The following RNLS variants were observed in gnomAD, a reference collection of about 807,000 sequenced individuals.
RNLS encodes the protein renalase.
In RNLS, 39 loss-of-function variants were observed where a neutral mutation model predicts 39.8. The observed-to-expected ratio is 0.98, with a 90% CI of 0.76 to 1.28. RNLS has a LOEUF of 1.28. RNLS is among the 50% of genes most tolerant of loss of function. The pLI is 0.00. For synonymous variants in RNLS, 147 were observed against 150.7 expected, an observed-to-expected ratio of 0.98 and a Z score of 0.18; for missense variants, 410 against 413.3, an observed-to-expected ratio of 0.99 and a Z score of 0.07.
At chr10:88,529,703 T>C (rs538768308) in intron 4 of RNLS, among the ~76,000 whole-genome samples, 41 of 152,360 alleles carry the variant, frequency 2.7e-4, no homozygotes, top group African/African-American at 9.1e-4. Context: ...CAAGAGAAGA[T>C]ATTTTAATTA....
At chr10:88,190,342 C>G in the RNLS span, among the ~76,000 whole-genome samples, 3 of 152,180 alleles carry the variant, frequency 2.0e-5, no homozygotes, top group African/African-American at 7.2e-5. Context: ...TGGCTGTTCT[C>G]TTCTGCTGCC....
At chr10:88,314,432 T>C (rs993174876) in intron 6 of RNLS, 34 bp downstream of exon 6, 6 of 1,604,992 alleles carry the variant, frequency 3.7e-6, no homozygotes, top group Non-Finnish European at 5.1e-6. Flanking sequence ...GTTAAGAAAA[T>C]TGTTGTGCTT....
intron 4 of RNLS, among the ~76,000 whole-genome samples, chr10:88,365,623 T>A (rs1850024880): frequency 6.6e-6 from 1 of 151,902 alleles, no homozygotes; most frequent in East Asian, 1.9e-4. Context: ...ATATAAAATA[T>A]ATTTTATGAC....
At chr10:88,220,922 T>C in the RNLS span, among the ~76,000 whole-genome samples, 1 of 152,182 alleles carries the variant, frequency 6.6e-6, no homozygotes, top group Non-Finnish European at 1.5e-5. Flanking sequence ...GAAACCTGTG[T>C]TGGGATTCTG....
chr10:88,281,799 G>T (rs1372927448), downstream of RNLS, among the ~76,000 whole-genome samples: 1 of 152,026 alleles, frequency 6.6e-6, no homozygotes, highest in Non-Finnish European at 1.5e-5. Flanking sequence ...TTAAAACCTG[G>T]AAGTACAAAT....
At chr10:88,320,114 C>G (rs534988138) in intron 5 of RNLS, among the ~76,000 whole-genome samples, 1 of 147,902 alleles carries the variant, frequency 6.8e-6, no homozygotes, top group Non-Finnish European at 1.5e-5. Flanking sequence ...GCCTTACAAG[C>G]AAGAAGAGAT....
At chr10:88,246,836 T>C in the RNLS span, among the ~76,000 whole-genome samples, 1 of 152,210 alleles carries the variant, frequency 6.6e-6, no homozygotes, top group Non-Finnish European at 1.5e-5. Context: ...CAGACAACCA[T>C]TTTACATGTG....
At chr10:88,197,533 G>A in the RNLS span, among the ~76,000 whole-genome samples, 14 of 152,240 alleles carry the variant, frequency 9.2e-5, no homozygotes, top group Non-Finnish European at 1.2e-4. Context: ...ACCGCAATTC[G>A]AATAATAAGA....
intron 3 of RNLS, among the ~76,000 whole-genome samples, chr10:88,575,743 C>T (rs540596926): frequency 5.6e-4 from 85 of 152,208 alleles, no homozygotes; most frequent in African/African-American, 1.8e-3. Context: ...TATGTCTGAG[C>T]TTAGTAAATT....
intron 6 of RNLS, among the ~76,000 whole-genome samples, chr10:88,295,909 T>C (rs1202577057): frequency 6.6e-6 from 1 of 152,328 alleles, no homozygotes; most frequent in South Asian, 2.1e-4. Flanking sequence ...CGAGGACTTG[T>C]TCAGAAGAAG....
At chr10:88,467,344 C>G (rs879598525) in intron 4 of RNLS, among the ~76,000 whole-genome samples, 1 of 151,900 alleles carries the variant, frequency 6.6e-6, no homozygotes, top group Non-Finnish European at 1.5e-5. Flanking sequence ...ATAACAGGAA[C>G]TTTAAATTAG....
In RNLS at chr10:88,582,216, G is replaced by T; in HGVS notation, c.210C>A (p.Ala70=). 2 of 1,612,208 alleles carry T rather than the reference G, an allele frequency of 1.2e-6. No homozygotes were observed. The highest frequency in any genetic ancestry group is 1.7e-6 in the Non-Finnish European group (2 of 1,179,146). The change falls in exon 2 of 7, where the codon GCC becomes GCA. Residue 70 remains alanine (A), a synonymous_variant. Coordinates refer to ENST00000331772, the MANE Select transcript of RNLS (RefSeq NM_001031709.3). ...AQYITCTPHY[A]KKHQRFYDEL... is the part of the protein sequence containing the mutation. ...AACTAACTCACCGTTGGTGTTTTTT[G>T]GCATAATGAGGAGTGCAGGTGATGT...
chr10:88,511,045 G>A (rs1846094967), intron 4 of RNLS, among the ~76,000 whole-genome samples: 1 of 148,690 alleles, frequency 6.7e-6, no homozygotes. Flanking sequence ...CCAAAAACCT[G>A]AGGTTTTGAA....
At chr10:88,288,862 C>T (rs1262004276) in intron 6 of RNLS, among the ~76,000 whole-genome samples, 2 of 152,178 alleles carry the variant, frequency 1.3e-5, no homozygotes, top group Non-Finnish European at 2.9e-5. Context: ...TATTGGCAAG[C>T]TCCTTCACCC....
At chr10:88,260,507 G>T in the RNLS span, among the ~76,000 whole-genome samples, 1 of 152,160 alleles carries the variant, frequency 6.6e-6, no homozygotes, top group Non-Finnish European at 1.5e-5. Flanking sequence ...CCACATCAAA[G>T]AACAAATAAA....
intron 4 of RNLS, among the ~76,000 whole-genome samples, chr10:88,568,442 C>T (rs1041639348): frequency 6.6e-6 from 1 of 152,072 alleles, no homozygotes; most frequent in Non-Finnish European, 1.5e-5. Context: ...CTAAAAACCA[C>T]TGAATTGTAC....
chr10:88,548,113 T>C (rs1209000837), intron 4 of RNLS, among the ~76,000 whole-genome samples: 3 of 150,268 alleles, frequency 2.0e-5, no homozygotes, highest in African/African-American at 7.4e-5. Flanking sequence ...ATACAAAAAA[T>C]TAGCTGGGCA....
intron 4 of RNLS, among the ~76,000 whole-genome samples, chr10:88,480,050 T>C (rs1844064963): frequency 6.6e-6 from 1 of 152,176 alleles, no homozygotes; most frequent in East Asian, 1.9e-4. Context: ...ATCATATTCT[T>C]AAATTACTGA....
the RNLS span, among the ~76,000 whole-genome samples, chr10:88,229,311 G>T: frequency 1.3e-5 from 2 of 152,146 alleles, no homozygotes; most frequent in African/African-American, 4.8e-5. Context: ...GTGTGTATCA[G>T]TTCTGGCTTC....
Sources: gnomAD v4.1 joint callset for allele counts (sites outside exome capture counted in the v4.1 genomes callset) on GRCh38, gnomAD v4.1.1 for gene constraint, MANE v1.5 for transcripts, NCBI Gene and HGNC (gene_info 2026-07-23, HGNC 2026-07-21) for gene names.